Variants in PRKN observed in about 807,000 individuals in gnomAD.
The protein encoded by PRKN is E3 ubiquitin-protein ligase parkin.
Under a neutral mutation model 59.5 loss-of-function variants are expected in PRKN, and 56 were observed. That is an observed-to-expected ratio of 0.94 (90% CI 0.76 to 1.18). The LOEUF is 1.18. Ranked by LOEUF, PRKN falls within the 50% of genes most tolerant of loss-of-function variation. The pLI is 0.00. For synonymous variants in PRKN, 250 were observed against 222.1 expected (o/e 1.13, Z -1.12); for missense variants, 657 against 596.4 (o/e 1.10, Z -1.06).
At chr6:161,735,839 C>T (rs1008049553) in intron 7 of PRKN, among the ~76,000 whole-genome samples, 7 of 151,864 alleles carry the variant, frequency 4.6e-5, no homozygotes, top group African/African-American at 1.5e-4. Context: ...TGCTTGAACC[C>T]GGGAGGCAGA....
chr6:162,445,689 TAAAAAAAAAAAAAAAAAAA>T (rs71004091), intron 1 of PRKN, among the ~76,000 whole-genome samples: 840 of 28,738 alleles, frequency 0.029, 17 homozygotes, highest in Middle Eastern at 0.11. Context: ...AGACCTTGTC[TAAAAAAAAAAAAAAAAAAA>T]AAAAAAAAAA....
rs915761578 is a variant in PRKN at position 162,056,328 on chromosome 6, C to T, written c.535-2154G>A. The stretch of plus-strand genomic sequence containing the variant: ...CACCACGCACACACGCACACACACA[C>T]AATACCACACAGCACACAGGCATAC... On this transcript the variant is annotated intron_variant, in intron 4 of 11. Coordinates refer to ENST00000366898, the MANE Select transcript of PRKN (RefSeq NM_004562.3). This position sits in a 1 kb window ranked among gnomAD's most constrained non-coding sequence, Gnocchi z 4.9. 4.6e-5 allele frequency among the ~76,000 whole-genome samples: 7 copies of T among 151,802 alleles called. No individual in the cohort carries two copies. Among genetic ancestry groups the T allele is most frequent in the African/African-American group, 1.7e-4 (7 of 41,338 alleles).
At chr6:162,583,719 C>T (rs909269048) in intron 1 of PRKN, among the ~76,000 whole-genome samples, 1 of 152,084 alleles carries the variant, frequency 6.6e-6, no homozygotes, top group African/African-American at 2.4e-5. Context: ...TCTACATGAG[C>T]ATATTTAAGG....
intron 4 of PRKN, among the ~76,000 whole-genome samples, chr6:162,102,263 C>T (rs756106356): frequency 3.3e-5 from 5 of 152,074 alleles, no homozygotes; most frequent in African/African-American, 1.2e-4. Flanking sequence ...TGTTCAGCTC[C>T]CACTTATAAG....
At chr6:162,630,202 C>A (rs1783053043) in intron 1 of PRKN, among the ~76,000 whole-genome samples, 1 of 152,116 alleles carries the variant, frequency 6.6e-6, no homozygotes, top group South Asian at 2.1e-4. Flanking sequence ...AAAAAGATTA[C>A]TGAGTATATA....
intron 9 of PRKN, among the ~76,000 whole-genome samples, chr6:161,517,377 G>T (rs750072740): frequency 3.3e-5 from 5 of 152,020 alleles, no homozygotes; most frequent in Admixed American, 1.3e-4. Context: ...CAAAACCACT[G>T]AATCTGTTGG....
chr6:162,482,730 A>G (rs1792362372), intron 1 of PRKN, among the ~76,000 whole-genome samples: 1 of 152,238 alleles, frequency 6.6e-6, no homozygotes, highest in South Asian at 2.1e-4. Context: ...AAGAATAAAT[A>G]TCTACTCCAA....
rs374970028 is a variant in PRKN at position 161,415,299 on chromosome 6, A to T, written c.1084-28422T>A. ...TATATACGTGGGGAATTGAGACTCC[A>T]AGATTACGAACATTTTCAAGATCCT... On this transcript the variant is annotated intron_variant, in intron 9 of 11. Transcript: ENST00000366898. Among the ~76,000 whole-genome samples the T allele has an allele frequency of 2.6e-5, 4 of 152,254 alleles. No individual in the cohort carries two copies. The South Asian group carries it at 6.2e-4, about 24-fold the overall frequency.
rs9347504 is a variant in PRKN at position 161,386,632 on chromosome 6, G to A, written c.1167+162C>T. Among the ~76,000 whole-genome samples, 36 of 152,262 alleles carry A rather than the reference G, an allele frequency of 2.4e-4. No individual in the cohort carries two copies. Among genetic ancestry groups the A allele is most frequent in the African/African-American group, 8.7e-4 (36 of 41,562 alleles). On this transcript the variant is annotated intron_variant, in intron 10 of 11. Transcript: ENST00000366898. The surrounding 1 kb of genome is among the most constrained non-coding windows in gnomAD (Gnocchi z 4.3). ...AGTCTACACTGTGCCCCAAGGAGGG[G>A]AGTCATTCTGGGAGAAGCCACGGCC...
intron 4 of PRKN, among the ~76,000 whole-genome samples, chr6:162,092,453 A>G (rs1303776617): frequency 6.6e-6 from 1 of 152,232 alleles, no homozygotes; most frequent in Non-Finnish European, 1.5e-5. Flanking sequence ...GATTATTATA[A>G]AAAATTTTGT....
intron 6 of PRKN, among the ~76,000 whole-genome samples, chr6:161,860,510 G>A (rs1161739681): frequency 6.6e-6 from 1 of 152,244 alleles, no homozygotes; most frequent in Non-Finnish European, 1.5e-5. Flanking sequence ...ATTGGACACC[G>A]TTGCCTCATC....
In PRKN at chr6:161,590,093, G is replaced by T. The variant is rs561232086; in HGVS notation, c.872-20677C>A. Among the ~76,000 whole-genome samples the T allele has an allele frequency of 2.3e-4, 35 of 152,034 alleles. No individual in the cohort carries two copies. In the South Asian group the frequency reaches 5.4e-3, roughly 23 times the overall value. ...CGTGAGCCACTGTGCCTGGGCTAGA[G>T]TATTAAATTCTGAAATGCAATTATA... is the stretch of plus-strand genomic sequence containing the variant. On this transcript the variant is annotated intron_variant, in intron 7 of 11. Coordinates refer to ENST00000366898, the MANE Select transcript of PRKN (RefSeq NM_004562.3).
intron 7 of PRKN, among the ~76,000 whole-genome samples, chr6:161,779,593 T>A (rs11758231): frequency 6.6e-6 from 1 of 150,918 alleles, no homozygotes; most frequent in African/African-American, 2.4e-5. Flanking sequence ...TATAGGCATG[T>A]GCCACCACAC....
At chr6:161,673,638 G>T (rs1784986949) in intron 7 of PRKN, among the ~76,000 whole-genome samples, 1 of 152,180 alleles carries the variant, frequency 6.6e-6, no homozygotes, top group Non-Finnish European at 1.5e-5. Context: ...GACCAGGCTG[G>T]AAGGAGAAGC....
intron 1 of PRKN, among the ~76,000 whole-genome samples, chr6:162,514,468 C>A (rs941723922): frequency 6.6e-6 from 1 of 152,158 alleles, no homozygotes; most frequent in African/African-American, 2.4e-5. Flanking sequence ...AACTGGCTAG[C>A]TTTTAATGTA....
At chr6:162,225,584 T>C (rs973377607) in intron 3 of PRKN, among the ~76,000 whole-genome samples, 2 of 152,124 alleles carry the variant, frequency 1.3e-5, no homozygotes, top group Admixed American at 1.3e-4. Context: ...GAACCTGAGA[T>C]CTCTGCTGTG....
chr6:162,527,299 T>C (rs1159167170), intron 1 of PRKN, among the ~76,000 whole-genome samples: 3 of 152,192 alleles, frequency 2.0e-5, no homozygotes, highest in East Asian at 1.9e-4. Context: ...GAGTGTATGA[T>C]AGAGCTAATC....
chr6:161,806,137 A>T (rs1791309573), intron 6 of PRKN, among the ~76,000 whole-genome samples: 1 of 152,170 alleles, frequency 6.6e-6, no homozygotes, highest in Non-Finnish European at 1.5e-5. Context: ...CTGATGATCA[A>T]CGTGATTGGT....
chr6:161,464,252 A>G (rs915828847), intron 9 of PRKN, among the ~76,000 whole-genome samples: 3 of 152,098 alleles, frequency 2.0e-5, no homozygotes, highest in Non-Finnish European at 4.4e-5. Flanking sequence ...GACCTCAGGT[A>G]ATCTGCCTAC....
Sources: gnomAD v4.1 joint callset for allele counts (sites outside exome capture counted in the v4.1 genomes callset) on GRCh38, gnomAD v4.1.1 for gene constraint, Gnocchi (gnomAD v3.1) non-coding constraint, MANE v1.5 for transcripts, NCBI Gene and HGNC (gene_info 2026-07-23, HGNC 2026-07-21) for gene names.